Variants in LRRK2 observed in about 807,000 individuals in gnomAD.
LRRK2 encodes leucine rich repeat kinase 2.
LRRK2 carries 203 observed loss-of-function variants against 302.6 expected under a neutral mutation model. That is an observed-to-expected ratio of 0.67 (90% CI 0.60 to 0.75). The LOEUF (loss-of-function observed/expected upper bound fraction) is 0.75, where lower values mean the gene tolerates loss of function less well. Among genes scored for constraint, LRRK2 ranks in the 30% least tolerant of loss-of-function variants. The probability of loss-of-function intolerance (pLI) is 0.00; values close to 1 mark genes in which losing one functional copy is unlikely to be tolerated. For missense variants in LRRK2, 2,830 were observed against 2,951.0 expected, an observed-to-expected ratio of 0.96 and a Z score of 0.95; for synonymous variants, 1,066 against 1,031.9, an observed-to-expected ratio of 1.03 and a Z score of -0.63.
At chr12:40,363,915 C>T (rs1008525118) in intron 48 of LRRK2, among the ~76,000 whole-genome samples, 18 of 151,988 alleles carry the variant, frequency 1.2e-4, no homozygotes, top group African/African-American at 3.9e-4. Context: ...GGATTATCTG[C>T]TCTAAAGAAA....
intron 42 of LRRK2, among the ~76,000 whole-genome samples, chr12:40,347,310 T>C (rs1033432701): frequency 9.9e-5 from 15 of 152,214 alleles, no homozygotes; most frequent in Middle Eastern, 3.2e-3. Context: ...TGATCTATAA[T>C]AATAATTTTT....
At chr12:40,291,007 C>G (rs1944124555) in intron 20 of LRRK2, among the ~76,000 whole-genome samples, 1 of 151,962 alleles carries the variant, frequency 6.6e-6, no homozygotes, top group African/African-American at 2.4e-5. Context: ...TCTTTCTATT[C>G]ATTTAAAAAA....
At chr12:40,355,498 T>C (rs1459715641) in intron 45 of LRRK2, among the ~76,000 whole-genome samples, 2 of 126,524 alleles carry the variant, frequency 1.6e-5, no homozygotes, top group African/African-American at 5.6e-5. Flanking sequence ...ATTCCTTCCT[T>C]CCTTCCATCC....
intron 10 of LRRK2, 47 bp from the exon 11 acceptor site, chr12:40,252,863 A>T: frequency 8.2e-7 from 1 of 1,215,486 alleles, no homozygotes; most frequent in Non-Finnish European, 1.2e-6. Flanking sequence ...AATTTGAGAT[A>T]GTTATTTAAA....
intron 14 of LRRK2, among the ~76,000 whole-genome samples, chr12:40,264,781 G>T (rs1414344208): frequency 1.3e-5 from 2 of 152,050 alleles, no homozygotes; most frequent in African/African-American, 4.8e-5. Flanking sequence ...TATAATTAAA[G>T]TATCCATAAA....
At chr12:40,350,213 A>C (rs1946311870) in intron 43 of LRRK2, among the ~76,000 whole-genome samples, 1 of 152,162 alleles carries the variant, frequency 6.6e-6, no homozygotes, top group African/African-American at 2.4e-5. Context: ...AAGACTGTCT[A>C]TCTTGGGAAG....
Position 40,308,675 on chromosome 12 carries a change from C to T in LRRK2, c.4168C>T (p.Leu1390=), listed in dbSNP as rs762465056. 14 of 1,613,748 alleles carry T rather than the reference C, an allele frequency of 8.7e-6. No individual in the cohort carries two copies. In the East Asian group the frequency reaches 2.7e-4, roughly 31 times the overall value. Residue 1390 remains leucine, a synonymous_variant, in exon 29 of 51, where the codon CTA becomes TTA. Transcript: ENST00000298910. ...IRDKRKRDLV[L]NVWDFAGREE... ...AGACAAAAGAAAGAGAGATCTCGTCCTAAATGTGTGGGATTTTGCAGGTAT... is the reference window on the plus strand; with the variant it reads ...AGACAAAAGAAAGAGAGATCTCGTCTTAAATGTGTGGGATTTTGCAGGTAT...
Position 40,274,586 on chromosome 12 carries a change from A to G in LRRK2, c.1660A>G (p.Ile554Val), listed in dbSNP as rs752861831. The change falls in exon 15 of 51, where the codon ATT becomes GTT. Residue 554 changes from isoleucine to valine, a missense_variant. Around this residue, in one of 3 missense-constraint regions of LRRK2, gnomAD observed 2,121 missense variants for 2,148.0 expected, o/e 0.99. Coordinates refer to ENST00000298910, the MANE Select transcript of LRRK2 (RefSeq NM_198578.4). ...KLVLAALNRF[I>V]GNPGIQKCGL... ...GCGAGTATTCTTTTGATTTTAGTTCATTGGAAATCCTGGGATTCAGAAATG... is the reference window on the plus strand; with the variant it reads ...GCGAGTATTCTTTTGATTTTAGTTCGTTGGAAATCCTGGGATTCAGAAATG... The G allele has an allele frequency of 6.2e-7, 1 of 1,613,612 alleles. No homozygotes were observed. The highest frequency in any genetic ancestry group is 1.3e-5 in the African/African-American group (1 of 74,904).
chr12:40,243,480 C>T (rs983818927), intron 6 of LRRK2, 70 bp from the exon 7 acceptor site: 65 of 1,542,506 alleles, frequency 4.2e-5, no homozygotes, highest in Middle Eastern at 3.4e-4. Context: ...CTATATAAGA[C>T]GTCTTTGTAT....
intron 40 of LRRK2, among the ~76,000 whole-genome samples, chr12:40,339,728 T>C (rs1441050050): frequency 2.6e-5 from 4 of 152,170 alleles, no homozygotes; most frequent in Admixed American, 2.6e-4. Flanking sequence ...TCTTATATTT[T>C]CATTTGTTTT....
At chr12:40,256,143 G>T (rs1942490418) in intron 11 of LRRK2, among the ~76,000 whole-genome samples, 1 of 152,138 alleles carries the variant, frequency 6.6e-6, no homozygotes. Flanking sequence ...AGTGAAGGAA[G>T]TTTATTACAA....
rs971260090 is a variant in LRRK2 at position 40,281,567 on chromosome 12, T to A, written c.2242-2308T>A. On this transcript the variant is annotated intron_variant, in intron 18 of 50. Coordinates refer to ENST00000298910, the MANE Select transcript of LRRK2 (RefSeq NM_198578.4). ...TTATTTAAATGTAAAAATAAATATC[T>A]GTGAGCAGTAGTATTTTCCTGTCAT... Among the ~76,000 whole-genome samples the A allele has an allele frequency of 3.9e-5, 6 of 152,274 alleles. No individual in the cohort carries two copies. The East Asian group carries it at 1.2e-3, about 29-fold the overall frequency.
At chr12:40,282,149 C>A (rs1371171710) in intron 18 of LRRK2, among the ~76,000 whole-genome samples, 1 of 126,034 alleles carries the variant, frequency 7.9e-6, no homozygotes, top group Non-Finnish European at 1.7e-5. Context: ...CCTCCCTTCT[C>A]CTTTCTCTTC....
chr12:40,335,038 G>C lies in LRRK2; in HGVS notation c.5829G>C (p.Arg1943=). ...ISLLAAGIRP[R]MLVMELASKG... ...TGCTGGCAGCTGGGATTCGTCCCCG[G>C]ATGTTGGTGATGGAGTTAGCCTCCA... is the stretch of plus-strand genomic sequence containing the variant. The change falls in exon 40 of 51, where the codon CGG becomes CGC. Residue 1943 remains arginine, a synonymous_variant. Coordinates refer to ENST00000298910, the MANE Select transcript of LRRK2 (RefSeq NM_198578.4). 6.2e-7 allele frequency: 1 copy of C among 1,614,114 alleles called. No individual in the cohort carries two copies. Among genetic ancestry groups the C allele is most frequent in the Non-Finnish European group, 8.5e-7 (1 of 1,179,996 alleles).
At chr12:40,265,624 ATG>A (rs1349453024) in intron 14 of LRRK2, among the ~76,000 whole-genome samples, 2 of 152,162 alleles carry the variant, frequency 1.3e-5, no homozygotes, top group Non-Finnish European at 2.9e-5. Flanking sequence ...CATATATCGC[ATG>A]TCTCATAAGT....
intron 19 of LRRK2, among the ~76,000 whole-genome samples, chr12:40,286,844 A>G (rs1214480538): frequency 6.6e-6 from 1 of 152,102 alleles, no homozygotes; most frequent in Non-Finnish European, 1.5e-5. Flanking sequence ...CCCAATAGTC[A>G]TAATGAATCA....
chr12:40,298,713 A>G (rs1274098312), intron 24 of LRRK2, among the ~76,000 whole-genome samples: 1 of 143,400 alleles, frequency 7.0e-6, no homozygotes, highest in Non-Finnish European at 1.5e-5. Context: ...CGGAGGTCGC[A>G]GTGAGCCGAG....
chr12:40,259,404 T>C (rs1942670424), intron 12 of LRRK2, 76 bp from the exon 13 acceptor site: 1 of 1,576,798 alleles, frequency 6.3e-7, no homozygotes, highest in Non-Finnish European at 8.7e-7. Context: ...TGCCCTCCTG[T>C]ACTTATTTCA....
In LRRK2 at chr12:40,277,876, T is replaced by C. The variant is rs200211192; in HGVS notation, c.1942-12T>C. The C allele has an allele frequency of 1.0e-5, 16 of 1,588,118 alleles. No homozygotes were observed. The highest frequency in any genetic ancestry group is 1.4e-5 in the Non-Finnish European group (16 of 1,167,070). ...ATTGCTTATTTTATTATTTTTTTTC[T>C]TATACTTTTAGGGATTTCAGACAAT... On this transcript the variant is annotated splice_polypyrimidine_tract_variant and intron_variant, in intron 16 of 50. Transcript: ENST00000298910.
Sources: allele counts gnomAD v4.1 joint callset (sites outside exome capture counted in the v4.1 genomes callset), GRCh38; gene constraint gnomAD v4.1.1; regional missense constraint gnomAD v4.1.1; transcripts MANE v1.5; gene names NCBI Gene and HGNC (gene_info 2026-07-23, HGNC 2026-07-21).